Variants in EIF4A2 observed in about 807,000 individuals in gnomAD.
EIF4A2 encodes the protein eukaryotic translation initiation factor 4A2.
EIF4A2 carries 9 observed loss-of-function variants against 50.6 expected under a neutral mutation model. The observed-to-expected ratio is 0.18, with a 90% CI of 0.11 to 0.31. EIF4A2 has a LOEUF of 0.31. Among genes scored for constraint, EIF4A2 ranks in the 10% least tolerant of loss-of-function variants. The probability of loss-of-function intolerance (pLI) is 1.00; values close to 1 mark genes in which losing one functional copy is unlikely to be tolerated. For missense variants in EIF4A2, 182 were observed against 501.8 expected (o/e 0.36, Z 6.09); for synonymous variants, 215 against 164.4 (o/e 1.31, Z -2.35).
rs1388776079 is a variant in EIF4A2, at chr3:186,789,659, T to C, written c.*390T>C. 2.9e-6 allele frequency: 1 copy of C among 349,970 alleles called. No homozygotes were observed. The highest frequency in any genetic ancestry group is 5.2e-6 in the Non-Finnish European group (1 of 192,330). The allele number at this position is 349,970 out of a possible 1,614,324, so 21.7% of individuals were successfully genotyped here. A position where few individuals can be genotyped will look rare whatever the true frequency, so the allele number is the denominator to read the frequency against. On this transcript the variant is annotated 3_prime_UTR_variant, in exon 11 of 11. Coordinates refer to ENST00000323963, the MANE Select transcript of EIF4A2 (RefSeq NM_001967.4). ...TAAACTAGCATATCTGCCTTTATTG[T>C]GTTTGTCATTAGCCTGAGTAGAAAG...
rs374602395 is a variant in EIF4A2 at position 186,787,790 on chromosome 3, C to T, written c.1000-13C>T. On this transcript the variant is annotated splice_polypyrimidine_tract_variant and intron_variant, in intron 9 of 10. Transcript: ENST00000323963. ...TTTTGAATCAATTTTTAAAACATGC[C>T]ATTGTGTTTCAGGCTCGCGGGATTG... is the stretch of plus-strand genomic sequence containing the variant. The T allele has an allele frequency of 1.6e-5, 26 of 1,613,704 alleles. No individual in the cohort carries two copies. In the African/African-American group the frequency reaches 2.0e-4, roughly 12 times the overall value.
intron 4 of EIF4A2, chr3:186,785,549 G>T: frequency 3.2e-6 from 1 of 313,660 alleles, no homozygotes. Flanking sequence ...CCCTCTGGGG[G>T]AAAAAAATCA....
At chr3:186,788,297 T>C (rs1250071289) in intron 10 of EIF4A2, 2 of 1,292,070 alleles carry the variant, frequency 1.5e-6, no homozygotes, top group South Asian at 2.5e-5. Flanking sequence ...AAAAGACTTT[T>C]TAAAAAATAC....
At position 186,783,689 on chromosome 3, in the gene EIF4A2, C is replaced by T. The variant is rs371141510; in HGVS notation, c.29+50C>T. ...GTCTGTAGTGAAGGTCATAGGGCGC[C>T]AGGGGAGATGATAGTGGATGGCACG... On this transcript the variant is annotated intron_variant, in intron 1 of 10. Transcript: ENST00000323963. 1.1e-5 allele frequency: 18 copies of T among 1,613,674 alleles called. No homozygotes were observed. In the African/African-American group the frequency reaches 2.1e-4, roughly 19 times the overall value.
At chr3:186,787,996 C>T (rs967643521) in intron 10 of EIF4A2, 114 bp downstream of exon 10, 5 of 1,118,978 alleles carry the variant, frequency 4.5e-6, no homozygotes, top group Non-Finnish European at 6.4e-6. Context: ...CAGTAGTGTT[C>T]AGTAAGATGA....
chr3:186,785,161 A>G, intron 4 of EIF4A2, 60 bp downstream of exon 4: 1 of 1,596,330 alleles, frequency 6.3e-7, no homozygotes, highest in East Asian at 2.2e-5. Flanking sequence ...AGGTTTCACA[A>G]CTGTGAAGAA....
At chr3:186,784,196 G>T in intron 1 of EIF4A2, 1 of 590,542 alleles carries the variant, frequency 1.7e-6, no homozygotes, top group Non-Finnish European at 2.9e-6. Context: ...CTCGCGAGAC[G>T]CTCCGCAGTT....
At chr3:186,788,436 T>C in intron 10 of EIF4A2, 1 of 1,239,588 alleles carries the variant, frequency 8.1e-7, no homozygotes, top group Non-Finnish European at 1.0e-6. Flanking sequence ...TATATTTGTT[T>C]TTCTTTTGTC....
intron 4 of EIF4A2, 71 bp downstream of exon 4, chr3:186,785,172 T>C (rs1721615473): frequency 1.9e-6 from 3 of 1,585,960 alleles, no homozygotes; most frequent in Non-Finnish European, 2.6e-6. Flanking sequence ...CTGTGAAGAA[T>C]TTAAAACTTA....
chr3:186,789,021 A>G, intron 10 of EIF4A2, 104 bp from the exon 11 acceptor site: 1 of 1,471,752 alleles, frequency 6.8e-7, no homozygotes, highest in Non-Finnish European at 9.1e-7. Flanking sequence ...ACGAACTATA[A>G]CCTTGATAAG....
chr3:186,787,100 GTTAACT>G (rs765135371), intron 7 of EIF4A2, 21 bp from the exon 8 acceptor site: 9 of 1,611,836 alleles, frequency 5.6e-6, no homozygotes, highest in Admixed American at 3.3e-5. Flanking sequence ...CTAAATGACT[GTTAACT>G]TTAACTTCTA....
At chr3:186,784,524 T>A (rs1721577650) in intron 2 of EIF4A2, 40 bp from the exon 3 acceptor site, 4 of 1,614,226 alleles carry the variant, frequency 2.5e-6, no homozygotes, top group Non-Finnish European at 3.4e-6. Context: ...GTGAGTGTGT[T>A]CATCTCATTT....
chr3:186,785,210 C>G, intron 4 of EIF4A2, 109 bp downstream of exon 4: 1 of 1,486,940 alleles, frequency 6.7e-7, no homozygotes, highest in Non-Finnish European at 9.0e-7. Flanking sequence ...CAGATCCCTC[C>G]TTTTAATTGT....
chr3:186,788,805 C>T (rs897182849), intron 10 of EIF4A2: 1 of 283,672 alleles, frequency 3.5e-6, no homozygotes, highest in Non-Finnish European at 6.7e-6. Context: ...CAGGCTGACA[C>T]CTGCTCTTGG....
intron 10 of EIF4A2, chr3:186,788,302 A>C: frequency 7.7e-7 from 1 of 1,291,540 alleles, no homozygotes; most frequent in Non-Finnish European, 1.0e-6. Context: ...ACTTTTTAAA[A>C]AATACAGGAG....
intron 4 of EIF4A2, chr3:186,785,314 A>G (rs1185983822): frequency 1.5e-6 from 1 of 647,216 alleles, no homozygotes; most frequent in South Asian, 2.2e-5. Flanking sequence ...TGAGAATCCG[A>G]AGCGCTCTCT....
intron 4 of EIF4A2, chr3:186,785,657 T>G: frequency 2.0e-6 from 1 of 509,006 alleles, no homozygotes; most frequent in Non-Finnish European, 3.5e-6. Flanking sequence ...ATTGTCTAGC[T>G]GATGCGTGGA....
At position 186,789,325 on chromosome 3, in the gene EIF4A2, A is replaced by G; in HGVS notation, c.*56A>G. 6.4e-7 allele frequency: 1 copy of G among 1,557,594 alleles called. No homozygotes were observed. The highest frequency in any genetic ancestry group is 1.4e-5 in the African/African-American group (1 of 73,186). On this transcript the variant is annotated 3_prime_UTR_variant, in exon 11 of 11. Transcript: ENST00000323963. ...TCGCTGTTGCTGAATAGGCGATCAC[A>G]ACGTGCATTGTGCTTCTTTCTTTGG...
At chr3:186,785,830 T>G in intron 4 of EIF4A2, 53 bp from the exon 5 acceptor site, 1 of 1,555,128 alleles carries the variant, frequency 6.4e-7, no homozygotes, top group Admixed American at 1.8e-5. Flanking sequence ...GCTTTAAAAA[T>G]TAGTCATTGA....
Sources: gnomAD v4.1 joint callset for allele counts on GRCh38, gnomAD v4.1.1 for gene constraint, MANE v1.5 for transcripts, NCBI Gene and HGNC (gene_info 2026-07-23, HGNC 2026-07-21) for gene names.